The following RB1 variants were observed in gnomAD, a reference collection of about 807,000 sequenced individuals.
The protein encoded by RB1 is retinoblastoma-associated protein.
A neutral mutation model predicts 135.4 loss-of-function variants in RB1; 18 were observed. The observed-to-expected ratio is 0.13, with a 90% confidence interval of 0.09 to 0.20. The LOEUF (loss-of-function observed/expected upper bound fraction) is 0.20. RB1 is among the 10% of genes least tolerant of loss of function. The probability of loss-of-function intolerance (pLI) is 1.00; values close to 1 mark genes in which losing one functional copy is unlikely to be tolerated. For synonymous variants in RB1, 365 were observed against 373.2 expected (o/e 0.98, Z 0.25); for missense variants, 868 against 1,110.0 (o/e 0.78, Z 3.10).
intron 2 of RB1, among the ~76,000 whole-genome samples, chr13:48,336,216 G>A (rs1370606451): frequency 6.6e-6 from 1 of 152,122 alleles, no homozygotes; most frequent in Admixed American, 6.5e-5. Flanking sequence ...AATTAGGGAG[G>A]ATTCCCTCTT....
intron 17 of RB1, chr13:48,389,448 T>C (rs1230911125): frequency 6.6e-6 from 1 of 152,126 alleles, no homozygotes; most frequent in Non-Finnish European, 1.5e-5. Flanking sequence ...GAAGTAAAGA[T>C]ACAGCTTGAT....
At chr13:48,456,690 G>C (rs1313599344) in intron 19 of RB1, among the ~76,000 whole-genome samples, 1 of 152,202 alleles carries the variant, frequency 6.6e-6, no homozygotes, top group African/African-American at 2.4e-5. Flanking sequence ...GACATGGAAC[G>C]GAGAGGGGTG....
chr13:48,387,949 C>T (rs1948583150), intron 17 of RB1, among the ~76,000 whole-genome samples: 1 of 152,156 alleles, frequency 6.6e-6, no homozygotes, highest in South Asian at 2.1e-4. Context: ...TTTGCCTGTC[C>T]CTGAGTCTTG....
Position 48,455,750 on chromosome 13 carries a change from G to A in RB1, c.1815-454G>A, listed in dbSNP as rs190300084. Among the ~76,000 whole-genome samples, 138 of 152,190 alleles carry A rather than the reference G, an allele frequency of 9.1e-4. 1 individual carries two copies. The highest frequency in any genetic ancestry group is 3.2e-3 in the African/African-American group (131 of 41,518). On this transcript the variant is annotated intron_variant, in intron 18 of 26. Transcript: ENST00000267163. Reference sequence around the variant, plus strand: ...ATGTTATTTGAAGTATTAATTCATAGAATTCTGTACTGTGTAATTTAGGTG... The same window carrying A: ...ATGTTATTTGAAGTATTAATTCATAAAATTCTGTACTGTGTAATTTAGGTG...
intron 2 of RB1, among the ~76,000 whole-genome samples, chr13:48,321,466 T>A (rs1185118732): frequency 2.0e-5 from 3 of 151,196 alleles, no homozygotes; most frequent in Non-Finnish European, 4.4e-5. Flanking sequence ...TGTGATAAGG[T>A]GGTATCTCAT....
chr13:48,362,787 G>A (rs780304064), intron 7 of RB1, 28 bp from the exon 8 acceptor site: 1 of 1,602,688 alleles, frequency 6.2e-7, no homozygotes, highest in Non-Finnish European at 8.5e-7. Flanking sequence ...ATGTACAATT[G>A]TTCTTATCTA....
At chr13:48,460,069 A>C (rs1415238056) in intron 20 of RB1, among the ~76,000 whole-genome samples, 1 of 150,626 alleles carries the variant, frequency 6.6e-6, no homozygotes, top group African/African-American at 2.4e-5. Flanking sequence ...TCCCAGGTTC[A>C]AGTGATTCTC....
At position 48,480,276 on chromosome 13, in the gene RB1, A is replaced by T; in HGVS notation, c.*205A>T. 2 of 581,096 alleles carry T rather than the reference A, an allele frequency of 3.4e-6. No homozygotes were observed. The highest frequency in any genetic ancestry group is 6.2e-6 in the Non-Finnish European group (2 of 323,208). The allele number at this position is 581,096 out of a possible 1,614,324, so 36.0% of individuals were successfully genotyped here. A position where few individuals can be genotyped will look rare whatever the true frequency, so the allele number is the denominator to read the frequency against. On this transcript the variant is annotated 3_prime_UTR_variant, in exon 27 of 27. Transcript: ENST00000267163. The stretch of plus-strand genomic sequence containing the variant: ...AGTCATTGTTATTTATACAAGATTG[A>T]AAATCTTGTGTAAATCCTGCCATTT...
chr13:48,341,250 T>G (rs1253227657), intron 2 of RB1: 1 of 152,136 alleles, frequency 6.6e-6, no homozygotes. Flanking sequence ...TTATATATAT[T>G]AGGACATTTC....
At chr13:48,307,447 A>AT in intron 2 of RB1, 41 bp downstream of exon 2, 1 of 1,583,486 alleles carries the variant, frequency 6.3e-7, no homozygotes, top group South Asian at 1.1e-5. Flanking sequence ...TTTTTTTCTC[A>AT]TTTTAAAAAC....
chr13:48,320,379 C>T lies in RB1; in HGVS notation c.264+12973C>T, dbSNP rs1223582352. On this transcript the variant is annotated intron_variant, in intron 2 of 26. Transcript: ENST00000267163. ...CGCTCTCCACCCCCTCGTCAGCCTCCGAGAAGCACCCGGGGAACCTAAAGC... is the reference window on the plus strand; with the variant it reads ...CGCTCTCCACCCCCTCGTCAGCCTCTGAGAAGCACCCGGGGAACCTAAAGC... 9.1e-6 allele frequency: 11 copies of T among 1,204,164 alleles called. No homozygotes were observed. In the South Asian group the frequency reaches 1.1e-4, roughly 12 times the overall value. The allele number at this position is 1,204,164 out of a possible 1,614,324, so 74.6% of individuals were successfully genotyped here.
chr13:48,375,123 C>T (rs1393148549), intron 12 of RB1, among the ~76,000 whole-genome samples: 4 of 152,120 alleles, frequency 2.6e-5, no homozygotes, highest in Admixed American at 1.3e-4. Flanking sequence ...CACTGAAGGG[C>T]ACCTAGGTTG....
chr13:48,457,982 G>T (rs1241259277), intron 19 of RB1, among the ~76,000 whole-genome samples: 2 of 152,296 alleles, frequency 1.3e-5, no homozygotes, highest in East Asian at 3.9e-4. Context: ...CAGCTGCACT[G>T]GGGAGGGTGG....
intron 12 of RB1, among the ~76,000 whole-genome samples, chr13:48,375,592 T>A (rs962137438): frequency 2.0e-5 from 3 of 150,856 alleles, no homozygotes; most frequent in Non-Finnish European, 4.4e-5. Flanking sequence ...ATATATATAT[T>A]TTTGAGACAG....
intron 17 of RB1, among the ~76,000 whole-genome samples, chr13:48,385,184 T>C (rs1202814144): frequency 6.6e-6 from 1 of 152,122 alleles, no homozygotes; most frequent in African/African-American, 2.4e-5. Context: ...TGATCTCTCA[T>C]TTGCTACCTT....
intron 19 of RB1, among the ~76,000 whole-genome samples, chr13:48,456,849 G>A: frequency 6.6e-6 from 1 of 152,246 alleles, no homozygotes; most frequent in East Asian, 1.9e-4. Flanking sequence ...TCCACAGCTG[G>A]CACTGGGGAA....
chr13:48,354,385 A>G (rs1419577212), intron 6 of RB1, among the ~76,000 whole-genome samples: 1 of 152,122 alleles, frequency 6.6e-6, no homozygotes, highest in African/African-American at 2.4e-5. Context: ...GAAGTGAAAG[A>G]TCTCTATGAT....
intron 10 of RB1, 23 bp downstream of exon 10, chr13:48,367,626 T>C (rs2138121636): frequency 6.9e-6 from 11 of 1,595,490 alleles, no homozygotes; most frequent in Non-Finnish European, 9.4e-6. Flanking sequence ...GTATATTTGA[T>C]TGATTTGCTT....
At chr13:48,420,334 C>T (rs1948986544) in intron 17 of RB1, among the ~76,000 whole-genome samples, 1 of 152,200 alleles carries the variant, frequency 6.6e-6, no homozygotes, top group African/African-American at 2.4e-5. Flanking sequence ...TGAAATTCAA[C>T]ACTGCTTCAT....
Sources: gnomAD v4.1 joint callset for allele counts (sites outside exome capture counted in the v4.1 genomes callset) on GRCh38, gnomAD v4.1.1 for gene constraint, MANE v1.5 for transcripts, NCBI Gene and HGNC (gene_info 2026-07-23, HGNC 2026-07-21) for gene names.